The following EFCAB8 variants were observed in gnomAD, a reference collection of about 807,000 sequenced individuals.
The protein encoded by EFCAB8 is EF-hand calcium-binding domain-containing protein 8.
EFCAB8 carries 100 observed loss-of-function variants against 116.3 expected under a neutral mutation model. The ratio of observed to expected loss-of-function variants is 0.86; its 90% CI spans 0.73 to 1.02. EFCAB8 has a LOEUF of 1.02. Among genes scored for constraint, EFCAB8 ranks in the 50% least tolerant of loss-of-function variants. The pLI, the probability that EFCAB8 is intolerant of heterozygous loss-of-function variation, is 0.00. For missense variants in EFCAB8, 1,320 were observed against 1,416.9 expected, an observed-to-expected ratio of 0.93 and a Z score of 1.10; for synonymous variants, 558 against 567.9, an observed-to-expected ratio of 0.98 and a Z score of 0.25.
intron 1 of EFCAB8, among the ~76,000 whole-genome samples, chr20:32,862,311 G>A (rs1466822797): frequency 6.6e-6 from 1 of 151,702 alleles, no homozygotes; most frequent in Non-Finnish European, 1.5e-5. Context: ...TGGATTTTTT[G>A]TAGATGTGGG....
intron 5 of EFCAB8, 71 bp from the exon 6 acceptor site, chr20:32,885,434 G>A: frequency 6.5e-7 from 1 of 1,536,386 alleles, no homozygotes; most frequent in Non-Finnish European, 8.8e-7. Context: ...GTGGCTCTCT[G>A]TTCTGCCGCA....
chr20:32,861,457 G>A (rs921376926), intron 1 of EFCAB8, among the ~76,000 whole-genome samples: 7 of 152,188 alleles, frequency 4.6e-5, no homozygotes, highest in African/African-American at 1.7e-4. Flanking sequence ...CCCAGCTAAC[G>A]TTTGTATTTT....
chr20:32,932,559 A>G (rs1987949209), intron 22 of EFCAB8, among the ~76,000 whole-genome samples: 1 of 152,182 alleles, frequency 6.6e-6, no homozygotes, highest in Non-Finnish European at 1.5e-5. Context: ...ATTTTTGGTT[A>G]TTCCTCTGGT....
At position 32,961,702 on chromosome 20, in the gene EFCAB8, G is replaced by T. The variant is rs1261212774; in HGVS notation, c.*93G>T. The T allele has an allele frequency of 7.8e-6, 6 of 773,518 alleles. No individual in the cohort carries two copies. The highest frequency in any genetic ancestry group is 1.1e-5 in the Non-Finnish European group (6 of 561,784). The allele number at this position is 773,518 out of a possible 1,614,324, so 47.9% of individuals were successfully genotyped here. On this transcript the variant is annotated 3_prime_UTR_variant, in exon 27 of 27. Transcript: ENST00000400522. The stretch of plus-strand genomic sequence containing the variant: ...GGCTTATTCCCTACCAGACCCAGAG[G>T]ATGTGGCTCTTCCCCCGGCCACCCC...
At chr20:32,942,544 A>G (rs1988439459) in intron 22 of EFCAB8, among the ~76,000 whole-genome samples, 1 of 152,092 alleles carries the variant, frequency 6.6e-6, no homozygotes, top group East Asian at 1.9e-4. Flanking sequence ...CAATAAAAAT[A>G]TATTAAAAGA....
At chr20:32,952,964 C>T (rs547398503) in intron 23 of EFCAB8, among the ~76,000 whole-genome samples, 1 of 152,266 alleles carries the variant, frequency 6.6e-6, no homozygotes, top group East Asian at 1.9e-4. Flanking sequence ...AGTCATTGAA[C>T]ATACTCCTCC....
At chr20:32,960,752 T>C (rs1166133503) in intron 26 of EFCAB8, among the ~76,000 whole-genome samples, 1 of 152,174 alleles carries the variant, frequency 6.6e-6, no homozygotes, top group Non-Finnish European at 1.5e-5. Context: ...CCGAAGGCCA[T>C]GCCCCTGCAG....
chr20:32,882,628 C>T (rs956385783), intron 5 of EFCAB8, among the ~76,000 whole-genome samples: 2 of 152,194 alleles, frequency 1.3e-5, no homozygotes, highest in Non-Finnish European at 2.9e-5. Context: ...TCAAGTGATT[C>T]TTTTGCCTCA....
At chr20:32,886,291 G>C (rs1269861453) in intron 6 of EFCAB8, among the ~76,000 whole-genome samples, 1 of 152,220 alleles carries the variant, frequency 6.6e-6, no homozygotes, top group Non-Finnish European at 1.5e-5. Context: ...GCAAGTCCCT[G>C]CTGGATATAT....
rs779914494 is a variant in EFCAB8, at chr20:32,865,785, ACT to A, written c.43-1794_43-1793del. ...CGCTCCAGCTGGGTGACAGAGTGAG[ACT>A]CTGTCTCAAAAAAAAAAAAAAAAAT... On this transcript the variant is annotated intron_variant, in intron 2 of 26. Coordinates refer to ENST00000400522, the MANE Select transcript of EFCAB8 (RefSeq NM_001143967.2). Among the ~76,000 whole-genome samples, 19 of 147,042 alleles carry A rather than the reference ACT, an allele frequency of 1.3e-4. 1 individual carries two copies. The highest frequency in any genetic ancestry group is 2.4e-4 in the Non-Finnish European group (16 of 66,956).
Position 32,960,138 on chromosome 20 carries a change from C to A in EFCAB8, c.3370C>A (p.Pro1124Thr). ...TACCAGGTTCCTGTCCACCAGGGTG[C>A]CATATGGCTGGATGAAGCATCAGGT... ...QNTRFLSTRV[P>T]YGWMKHQISP... The change falls in exon 26 of 27, where the codon CCA (proline) becomes ACA (threonine). Residue 1124 changes from proline to threonine, a missense_variant. Coordinates refer to ENST00000400522, the MANE Select transcript of EFCAB8 (RefSeq NM_001143967.2). The A allele has an allele frequency of 6.4e-7, 1 of 1,551,696 alleles. No individual in the cohort carries two copies. The highest frequency in any genetic ancestry group is 1.2e-5 in the South Asian group (1 of 84,062).
At position 32,918,544 on chromosome 20, in the gene EFCAB8, CAAG is replaced by C; in HGVS notation, c.2245_2247del (p.Lys749del). 1 of 1,551,656 alleles carries C rather than the reference CAAG, an allele frequency of 6.4e-7. No individual in the cohort carries two copies. The highest frequency in any genetic ancestry group is 8.7e-7 in the Non-Finnish European group (1 of 1,146,990). On this transcript the variant is annotated inframe_deletion, in exon 19 of 27. Coordinates refer to ENST00000400522, the MANE Select transcript of EFCAB8 (RefSeq NM_001143967.2). ...CCCCAGTGATGCGGTGCCCGAGAGACAAGGAGCCAGACAGGCCTGTGCCCCAGC... is the reference window on the plus strand; with the variant it reads ...CCCCAGTGATGCGGTGCCCGAGAGACGAGCCAGACAGGCCTGTGCCCCAGC...
chr20:32,869,480 C>A (rs1268262126), intron 3 of EFCAB8, among the ~76,000 whole-genome samples: 2 of 152,158 alleles, frequency 1.3e-5, no homozygotes, highest in Non-Finnish European at 2.9e-5. Flanking sequence ...AGGTGATCCG[C>A]CTGCCTTAGC....
At chr20:32,864,140 C>G (rs1313526774) in intron 2 of EFCAB8, among the ~76,000 whole-genome samples, 5 of 152,000 alleles carry the variant, frequency 3.3e-5, no homozygotes, top group African/African-American at 1.2e-4. Context: ...CCATGCCCAG[C>G]TAATTTTTAT....
intron 22 of EFCAB8, among the ~76,000 whole-genome samples, chr20:32,935,157 T>G (rs551182060): frequency 9.3e-4 from 140 of 150,398 alleles, no homozygotes; most frequent in Non-Finnish European, 1.7e-3. Flanking sequence ...TTTCTCCATT[T>G]TCTCTTCTCT....
chr20:32,881,947 C>A (rs990735833), intron 5 of EFCAB8, among the ~76,000 whole-genome samples: 6 of 152,230 alleles, frequency 3.9e-5, no homozygotes, highest in Non-Finnish European at 8.8e-5. Flanking sequence ...GTGGCTCACA[C>A]CTGTAATCCC....
intron 22 of EFCAB8, among the ~76,000 whole-genome samples, chr20:32,939,191 CTTTCTTTCTT>C (rs1988291015): frequency 1.7e-5 from 1 of 57,964 alleles, no homozygotes; most frequent in Non-Finnish European, 3.3e-5. Flanking sequence ...TTCTTTCTTT[CTTTCTTTCTT>C]TCCTCTCTCT....
intron 23 of EFCAB8, among the ~76,000 whole-genome samples, chr20:32,947,536 A>G (rs750297317): frequency 1.3e-5 from 2 of 152,252 alleles, no homozygotes; most frequent in Admixed American, 6.5e-5. Flanking sequence ...TATAAATCAA[A>G]AACAGAAATA....
chr20:32,947,919 GAAA>G (rs1988654285), intron 23 of EFCAB8, among the ~76,000 whole-genome samples: 1 of 141,454 alleles, frequency 7.1e-6, no homozygotes, highest in South Asian at 2.3e-4. Context: ...AAAAAAAAAA[GAAA>G]AAAGAAACTA....
Sources: gnomAD v4.1 joint callset for allele counts (sites outside exome capture counted in the v4.1 genomes callset) on GRCh38, gnomAD v4.1.1 for gene constraint, MANE v1.5 for transcripts, NCBI Gene and HGNC (gene_info 2026-07-23, HGNC 2026-07-21) for gene names.